The following ATXN2 variants were observed in gnomAD, a reference collection of about 807,000 sequenced individuals.
ATXN2 encodes ataxin 2.
ATXN2 carries 37 observed loss-of-function variants against 138.6 expected under a neutral mutation model. The ratio of observed to expected loss-of-function variants is 0.27; its 90% confidence interval spans 0.21 to 0.35. The LOEUF (loss-of-function observed/expected upper bound fraction) is 0.35. Ranked by LOEUF, ATXN2 falls within the 10% of genes least tolerant of loss-of-function variation. The probability of loss-of-function intolerance (pLI) is 1.00; values close to 1 mark genes in which losing one functional copy is unlikely to be tolerated. For synonymous variants in ATXN2, 549 were observed against 543.7 expected, an observed-to-expected ratio of 1.01 and a Z score of -0.13; for missense variants, 1,216 against 1,480.3, an observed-to-expected ratio of 0.82 and a Z score of 2.93.
At chr12:111,591,937 C>CCAGGCG (rs1884684875) in intron 1 of ATXN2, among the ~76,000 whole-genome samples, 1 of 151,764 alleles carries the variant, frequency 6.6e-6, no homozygotes, top group Non-Finnish European at 1.5e-5. Context: ...CAAAAATTAG[C>CCAGGCG]TGAGTGGGGT....
At chr12:111,576,316 C>T (rs759576461) in intron 1 of ATXN2, among the ~76,000 whole-genome samples, 3 of 151,688 alleles carry the variant, frequency 2.0e-5, no homozygotes, top group South Asian at 2.1e-4. Flanking sequence ...CGGTAGTGCA[C>T]GTCTGTAGTC....
At position 111,552,073 on chromosome 12, in the gene ATXN2, G is replaced by A. The variant is rs758040015; in HGVS notation, c.571+207C>T. On this transcript the variant is annotated intron_variant, in intron 5 of 24. Transcript: ENST00000673436. This position sits in a 1 kb window ranked among gnomAD's most constrained non-coding sequence, Gnocchi z 4.1. ...TTTTTGTATTTTTAGTAGAGACGGG[G>A]TTTCGCCATGTTGGCCAGGCTGGTC... 1.3e-5 allele frequency among the ~76,000 whole-genome samples: 2 copies of A among 151,924 alleles called. No individual in the cohort carries two copies. The highest frequency in any genetic ancestry group is 2.9e-5 in the Non-Finnish European group (2 of 68,008).
chr12:111,465,704 A>C (rs1428097318), intron 20 of ATXN2, among the ~76,000 whole-genome samples: 1 of 136,864 alleles, frequency 7.3e-6, no homozygotes, highest in Non-Finnish European at 1.5e-5. Flanking sequence ...TGGGAGGCAG[A>C]TGTTGCAGTG....
intron 1 of ATXN2, among the ~76,000 whole-genome samples, chr12:111,572,011 C>CAAA (rs10632970): frequency 0.23 from 20,607 of 88,570 alleles, 1,733 homozygotes; most frequent in East Asian, 0.46. Flanking sequence ...GACTCTGTCT[C>CAAA]AAAAAAAAAA....
intron 15 of ATXN2, 46 bp downstream of exon 15, chr12:111,488,430 A>G: frequency 6.4e-7 from 1 of 1,553,040 alleles, no homozygotes; most frequent in Non-Finnish European, 8.7e-7. Context: ...TAAAAAAAAA[A>G]AAGTTAATTG....
chr12:111,453,578 C>T lies in ATXN2; in HGVS notation c.3439+99G>A, dbSNP rs964165115. 3.2e-5 allele frequency: 46 copies of T among 1,453,396 alleles called. No homozygotes were observed. Among genetic ancestry groups the T allele is most frequent in the Non-Finnish European group, 4.2e-5 (46 of 1,101,066 alleles). 90.0% of individuals were successfully genotyped at this position (1,453,396 alleles called of 1,614,324 possible). ...CTCCTGGACGGGTCTTGCTAGTTCT[C>T]AAATGCGGGGCTTGAAGCACTGGCC... On this transcript the variant is annotated intron_variant, in intron 24 of 24. Coordinates refer to ENST00000673436, the MANE Select transcript of ATXN2 (RefSeq NM_001372574.1). This position sits in a 1 kb window ranked among gnomAD's most constrained non-coding sequence, Gnocchi z 5.4.
In ATXN2 at chr12:111,453,324, C is replaced by T. The variant is rs1186118529; in HGVS notation, c.3439+353G>A. ...CAATCAAACTCTGCCATGGTAATAA[C>T]CCCCCACATGTCAGACTTTTGGGAC... On this transcript the variant is annotated intron_variant, in intron 24 of 24. Coordinates refer to ENST00000673436, the MANE Select transcript of ATXN2 (RefSeq NM_001372574.1). The surrounding 1 kb of genome is among the most constrained non-coding windows in gnomAD (Gnocchi z 5.4). The T allele has an allele frequency of 8.3e-6, 9 of 1,078,934 alleles. No individual in the cohort carries two copies. The Admixed American group carries it at 4.7e-4, about 56-fold the overall frequency. The allele number at this position is 1,078,934 out of a possible 1,614,324, so 66.8% of individuals were successfully genotyped here.
chr12:111,558,028 G>A lies in ATXN2; in HGVS notation c.252-2109C>T, dbSNP rs536960345. On this transcript the variant is annotated intron_variant, in intron 1 of 24. Coordinates refer to ENST00000673436, the MANE Select transcript of ATXN2 (RefSeq NM_001372574.1). ...ACACTGTTCTTTTTAGTGATTATGT[G>A]GTTACATCTTTGACTAATAAAAAGT... Among the ~76,000 whole-genome samples the A allele has an allele frequency of 3.2e-4, 49 of 152,080 alleles. No individual in the cohort carries two copies. In the South Asian group the frequency reaches 9.8e-3, roughly 30 times the overall value.
In ATXN2 at chr12:111,453,650, G is replaced by A. The variant is rs772052534; in HGVS notation, c.3439+27C>T. On this transcript the variant is annotated intron_variant, in intron 24 of 24. Coordinates refer to ENST00000673436, the MANE Select transcript of ATXN2 (RefSeq NM_001372574.1). This position sits in a 1 kb window ranked among gnomAD's most constrained non-coding sequence, Gnocchi z 5.4. ...CGAGCAGAATGCTTTGGGGTGCCCC[G>A]GCGGCCCCTGCACACACACGCCTCA... 50 of 1,525,178 alleles carry A rather than the reference G, an allele frequency of 3.3e-5. No individual in the cohort carries two copies. The highest frequency in any genetic ancestry group is 2.0e-4 in the Middle Eastern group (1 of 5,084). The allele number at this position is 1,525,178 out of a possible 1,614,324, so 94.5% of individuals were successfully genotyped here.
intron 14 of ATXN2, among the ~76,000 whole-genome samples, chr12:111,498,494 C>T (rs905313782): frequency 4.6e-5 from 7 of 152,042 alleles, no homozygotes; most frequent in African/African-American, 1.7e-4. Context: ...TAATAAAATA[C>T]TTAGGAATAA....
intron 3 of ATXN2, among the ~76,000 whole-genome samples, chr12:111,553,572 CAAAAAAA>C (rs757837884): frequency 0.036 from 1,750 of 48,876 alleles, 37 homozygotes; most frequent in African/African-American, 0.095. Flanking sequence ...TCTTTTTTCT[CAAAAAAA>C]AAAAAAAAAA....
chr12:111,479,919 G>A (rs530287754), intron 18 of ATXN2, among the ~76,000 whole-genome samples: 1 of 150,386 alleles, frequency 6.6e-6, no homozygotes, highest in Admixed American at 6.6e-5. Flanking sequence ...TAGCACTCTG[G>A]GAGGCTGAGG....
At chr12:111,594,822 A>C (rs1467166063) in intron 1 of ATXN2, among the ~76,000 whole-genome samples, 4 of 152,210 alleles carry the variant, frequency 2.6e-5, no homozygotes, top group Non-Finnish European at 5.9e-5. Flanking sequence ...GGTTAACAAC[A>C]ACAACAAAGC....
At chr12:111,563,658 TA>T (rs1178638244) in intron 1 of ATXN2, among the ~76,000 whole-genome samples, 1 of 152,210 alleles carries the variant, frequency 6.6e-6, no homozygotes, top group East Asian at 1.9e-4. Context: ...AGGTGAGATA[TA>T]TAGGAGAATT....
Position 111,457,770 on chromosome 12 carries a change from G to A in ATXN2, c.2897-411C>T, listed in dbSNP as rs1875221486. The stretch of plus-strand genomic sequence containing the variant: ...CCTGGAGCAATGTCCTGAGGGCACA[G>A]ACTATATTGGGTGTGGTGGGGGATG... On this transcript the variant is annotated intron_variant, in intron 21 of 24. Coordinates refer to ENST00000673436, the MANE Select transcript of ATXN2 (RefSeq NM_001372574.1). The A allele has an allele frequency of 2.4e-5, 4 of 165,568 alleles. No homozygotes were observed. In the South Asian group the frequency reaches 6.2e-4, roughly 26 times the overall value. 10.3% of individuals were successfully genotyped at this position (165,568 alleles called of 1,614,324 possible).
Position 111,513,350 on chromosome 12 carries a change from T to C in ATXN2, c.1558+7A>G, listed in dbSNP as rs765150761. On this transcript the variant is annotated splice_region_variant and intron_variant, in intron 11 of 24. Transcript: ENST00000673436. Reference sequence around the variant, plus strand: ...GAGTACCATCATTATGCCCAAGTGTTACCTACCCCCACTGACCACTGATGA... The same window carrying C: ...GAGTACCATCATTATGCCCAAGTGTCACCTACCCCCACTGACCACTGATGA... 1.2e-6 allele frequency: 2 copies of C among 1,610,878 alleles called. No homozygotes were observed. Among genetic ancestry groups the C allele is most frequent in the East Asian group, 2.2e-5 (1 of 44,672 alleles).
At chr12:111,479,660 T>G (rs926521814) in intron 18 of ATXN2, among the ~76,000 whole-genome samples, 2 of 152,194 alleles carry the variant, frequency 1.3e-5, no homozygotes, top group Non-Finnish European at 2.9e-5. Flanking sequence ...TGGGACGGCT[T>G]TGAATGTGGC....
chr12:111,497,974 C>T (rs1386397390), intron 14 of ATXN2, among the ~76,000 whole-genome samples: 1 of 152,090 alleles, frequency 6.6e-6, no homozygotes, highest in Non-Finnish European at 1.5e-5. Context: ...CAACATTGCG[C>T]CACTGCACTC....
intron 5 of ATXN2, among the ~76,000 whole-genome samples, chr12:111,534,387 G>C (rs1482893801): frequency 6.6e-6 from 1 of 152,138 alleles, no homozygotes; most frequent in East Asian, 1.9e-4. Flanking sequence ...CAGTGATAGA[G>C]TGAGACCCCG....
Sources: allele counts gnomAD v4.1 joint callset (sites outside exome capture counted in the v4.1 genomes callset), GRCh38; gene constraint gnomAD v4.1.1; non-coding constraint Gnocchi (gnomAD v3.1); transcripts MANE v1.5; gene names NCBI Gene and HGNC (gene_info 2026-07-23, HGNC 2026-07-21).